SDCBP: variants seen among roughly 807,000 people sequenced by gnomAD.
SDCBP encodes the protein syntenin-1.
A neutral mutation model predicts 30.5 loss-of-function variants in SDCBP; 22 were observed. The ratio of observed to expected loss-of-function variants is 0.72; its 90% confidence interval spans 0.52 to 1.03. The LOEUF (loss-of-function observed/expected upper bound fraction) is 1.03, where lower values mean the gene tolerates loss of function less well. Among genes scored for constraint, SDCBP ranks in the 50% least tolerant of loss-of-function variants. The pLI, the probability that SDCBP is intolerant of heterozygous loss-of-function variation, is 0.00. For synonymous variants in SDCBP, 103 were observed against 118.7 expected, an observed-to-expected ratio of 0.87 and a Z score of 0.86; for missense variants, 304 against 369.9, an observed-to-expected ratio of 0.82 and a Z score of 1.46.
intron 5 of SDCBP, among the ~76,000 whole-genome samples, chr8:58,576,984 G>A (rs1805374681): frequency 1.3e-5 from 2 of 152,206 alleles, no homozygotes. Context: ...ATACATCTGC[G>A]TGCTTAGTTG....
chr8:58,570,884 C>A lies in SDCBP; in HGVS notation c.52-3C>A, dbSNP rs765759365. 7 of 1,610,652 alleles carry A rather than the reference C, an allele frequency of 4.3e-6. No homozygotes were observed. In the East Asian group the frequency reaches 8.9e-5, roughly 21 times the overall value. ...GTTAGAATTTTCTTCTTTTCTTTTT[C>A]AGGCTCAAACTGCTTTTTCTGCAAA... On this transcript the variant is annotated splice_polypyrimidine_tract_variant and splice_region_variant and intron_variant, in intron 2 of 8. Coordinates refer to ENST00000260130, the MANE Select transcript of SDCBP (RefSeq NM_005625.4).
chr8:58,579,889 G>A, intron 7 of SDCBP, 95 bp downstream of exon 7: 2 of 1,198,692 alleles, frequency 1.7e-6, no homozygotes, highest in South Asian at 1.7e-5. Flanking sequence ...TATTGACTTA[G>A]GTGGGAGATG....
intron 4 of SDCBP, among the ~76,000 whole-genome samples, chr8:58,573,468 G>A (rs115969682): frequency 0.014 from 2,089 of 152,270 alleles, 56 homozygotes; most frequent in African/African-American, 0.049. Context: ...CTTCTCCTAG[G>A]ACTGGGATAA....
rs1440595442 is a variant in SDCBP at position 58,580,502 on chromosome 8, A to G, written c.751-15A>G. On this transcript the variant is annotated splice_polypyrimidine_tract_variant and intron_variant, in intron 7 of 8. Transcript: ENST00000260130. The stretch of plus-strand genomic sequence containing the variant: ...AGCCTCTGTGGAATTAATTTTTAAT[A>G]TGTGTTTTTATCAGGACTCTCAAAT... The G allele has an allele frequency of 7.6e-7, 1 of 1,317,854 alleles. No individual in the cohort carries two copies. The allele number at this position is 1,317,854 out of a possible 1,614,324, so 81.6% of individuals were successfully genotyped here.
chr8:58,567,398 A>T (rs1433177822), intron 2 of SDCBP, among the ~76,000 whole-genome samples: 1 of 152,194 alleles, frequency 6.6e-6, no homozygotes, highest in African/African-American at 2.4e-5. Context: ...GCAATTTTAG[A>T]TTCACAACAA....
chr8:58,555,902 T>C (rs1394366339), intron 1 of SDCBP, among the ~76,000 whole-genome samples: 1 of 152,128 alleles, frequency 6.6e-6, no homozygotes, highest in Admixed American at 6.5e-5. Context: ...TTTACATTTT[T>C]CATTCATTTT....
chr8:58,559,920 CTCCTGG>C (rs1804346387), intron 1 of SDCBP, among the ~76,000 whole-genome samples: 1 of 152,182 alleles, frequency 6.6e-6, no homozygotes, highest in Non-Finnish European at 1.5e-5. Context: ...AAACTCCAGG[CTCCTGG>C]TTTTTCCCTG....
At chr8:58,554,404 T>G (rs1295886712) in intron 1 of SDCBP, among the ~76,000 whole-genome samples, 1 of 152,224 alleles carries the variant, frequency 6.6e-6, no homozygotes, top group Non-Finnish European at 1.5e-5. Context: ...TCCTTTTGTC[T>G]TCTGTGTTAC....
chr8:58,568,482 TAGA>T (rs1252276781), intron 2 of SDCBP, among the ~76,000 whole-genome samples: 2 of 152,150 alleles, frequency 1.3e-5, no homozygotes, highest in Non-Finnish European at 2.9e-5. Flanking sequence ...TTTTTGTAAG[TAGA>T]AGGATATACT....
At chr8:58,573,615 G>A (rs1461657458) in intron 4 of SDCBP, among the ~76,000 whole-genome samples, 6 of 152,158 alleles carry the variant, frequency 3.9e-5, no homozygotes, top group Admixed American at 2.0e-4. Context: ...GGGAGTGTCA[G>A]TAAAAGTTGC....
At chr8:58,574,467 A>C (rs1246480871) in intron 4 of SDCBP, among the ~76,000 whole-genome samples, 1 of 152,196 alleles carries the variant, frequency 6.6e-6, no homozygotes, top group African/African-American at 2.4e-5. Context: ...TTTGTTCACT[A>C]CATGGATGCT....
At chr8:58,561,585 G>T in intron 1 of SDCBP, 1 of 427,712 alleles carries the variant, frequency 2.3e-6, no homozygotes, top group East Asian at 3.5e-5. Flanking sequence ...AAGAAAAACT[G>T]CCAGCAAAGT....
At chr8:58,555,418 G>A (rs892576424) in intron 1 of SDCBP, among the ~76,000 whole-genome samples, 2 of 152,180 alleles carry the variant, frequency 1.3e-5, no homozygotes, top group African/African-American at 4.8e-5. Flanking sequence ...TTTGCCAGGT[G>A]AGAAATGGAA....
At chr8:58,571,937 A>G (rs1805051242) in intron 3 of SDCBP, among the ~76,000 whole-genome samples, 1 of 152,202 alleles carries the variant, frequency 6.6e-6, no homozygotes, top group Admixed American at 6.5e-5. Flanking sequence ...TTTATTTGGA[A>G]AAGTTATTTC....
At chr8:58,574,666 T>A (rs1159864627) in intron 4 of SDCBP, among the ~76,000 whole-genome samples, 2 of 152,208 alleles carry the variant, frequency 1.3e-5, no homozygotes, top group Non-Finnish European at 2.9e-5. Flanking sequence ...ATTCTTCTTC[T>A]CTTGATGTTC....
intron 3 of SDCBP, 61 bp from the exon 4 acceptor site, chr8:58,572,144 A>T (rs1219530248): frequency 9.4e-6 from 9 of 961,616 alleles, no homozygotes; most frequent in Non-Finnish European, 1.3e-5. Context: ...GCCCATAATG[A>T]GAGAAGTTTT....
intron 1 of SDCBP, among the ~76,000 whole-genome samples, chr8:58,556,890 C>T (rs567811192): frequency 1.1e-3 from 156 of 137,022 alleles, no homozygotes; most frequent in Non-Finnish European, 1.9e-3. Context: ...TATTATAATA[C>T]GTATAATACG....
chr8:58,569,520 A>G (rs571428329), intron 2 of SDCBP, among the ~76,000 whole-genome samples: 16 of 152,334 alleles, frequency 1.1e-4, no homozygotes, highest in African/African-American at 3.8e-4. Flanking sequence ...TTATCTCCAC[A>G]ATTTTGCATT....
chr8:58,578,079 TTGG>T lies in SDCBP; in HGVS notation c.451_453del (p.Gly151del). The T allele has an allele frequency of 6.2e-7, 1 of 1,613,958 alleles. No homozygotes were observed. Among genetic ancestry groups the T allele is most frequent in the Non-Finnish European group, 8.5e-7 (1 of 1,179,878 alleles). ...CAGGCTAATTCTCCAGCCTCATTGG[TTGG>T]TCTGAGATTTGGGGACCAAGTACTT... On this transcript the variant is annotated inframe_deletion, in exon 6 of 9. Coordinates refer to ENST00000260130, the MANE Select transcript of SDCBP (RefSeq NM_005625.4).
Sources: allele counts gnomAD v4.1 joint callset (sites outside exome capture counted in the v4.1 genomes callset), GRCh38; gene constraint gnomAD v4.1.1; transcripts MANE v1.5; gene names NCBI Gene and HGNC (gene_info 2026-07-23, HGNC 2026-07-21).